The following TMED6 variants were observed in gnomAD, a reference collection of about 807,000 sequenced individuals.
TMED6 encodes transmembrane emp24 domain-containing protein 6.
A neutral mutation model predicts 26.5 loss-of-function variants in TMED6; 17 were observed. The ratio of observed to expected loss-of-function variants is 0.64; its 90% confidence interval spans 0.44 to 0.96. The LOEUF (loss-of-function observed/expected upper bound fraction) is 0.96. TMED6 is among the 40% of genes least tolerant of loss of function. The pLI, the probability that TMED6 is intolerant of heterozygous loss-of-function variation, is 0.00. For synonymous variants in TMED6, 107 were observed against 106.2 expected, an observed-to-expected ratio of 1.01 and a Z score of -0.04; for missense variants, 309 against 296.5, an observed-to-expected ratio of 1.04 and a Z score of -0.31.
chr16:69,343,816 T>C (rs1174077886), intron 3 of TMED6, among the ~76,000 whole-genome samples, 176 bp from the exon 4 acceptor site: 3 of 152,158 alleles, frequency 2.0e-5, no homozygotes, highest in Non-Finnish European at 2.9e-5. Flanking sequence ...ATGGTCTGGA[T>C]TTGAGTTTAA....
Position 69,343,596 on chromosome 16 carries a change from T to C in TMED6, c.534A>G (p.Arg178=), listed in dbSNP as rs11649369. The change falls in exon 4 of 4, where the codon CGA becomes CGG. Residue 178 remains arginine, a synonymous_variant. Transcript: ENST00000288025. ...TCCTCATCCGGGCAAAGTTGTAGTA[T>C]CGCCACATGTGAAAGATATTGTTCT... ...KVQNNIFHMW[R]YYNFARMRKM... 0.078 allele frequency: 125,680 copies of C among 1,614,052 alleles called. 5,440 individuals carry two copies. The highest frequency in any genetic ancestry group is 0.089 in the Non-Finnish European group (105,067 of 1,179,930).
At chr16:69,343,754 G>A (rs2012630059) in intron 3 of TMED6, 114 bp from the exon 4 acceptor site, 1 of 784,462 alleles carries the variant, frequency 1.3e-6, no homozygotes, top group East Asian at 2.5e-5. Context: ...ATGATTTTAA[G>A]ATGTACAATA....
rs781457945 is a variant in TMED6, at chr16:69,343,687, A to C, written c.490-47T>G. 2.6e-6 allele frequency: 4 copies of C among 1,554,764 alleles called. No individual in the cohort carries two copies. The South Asian group carries it at 4.5e-5, about 17-fold the overall frequency. ...GGGGGATTCTTCCAAACCCCCATCT[A>C]GCCTCACCTGAGCGCTCACTAGCAC... On this transcript the variant is annotated intron_variant, in intron 3 of 3. Transcript: ENST00000288025.
intron 2 of TMED6, among the ~76,000 whole-genome samples, chr16:69,349,235 T>C: frequency 6.6e-6 from 1 of 152,148 alleles, no homozygotes; most frequent in East Asian, 1.9e-4. Context: ...TATAAATGGG[T>C]CTCTGTTTTT....
intron 1 of TMED6, among the ~76,000 whole-genome samples, chr16:69,350,936 T>A (rs2012765715): frequency 6.6e-6 from 1 of 152,186 alleles, no homozygotes; most frequent in African/African-American, 2.4e-5. Context: ...AGCCTCTAAC[T>A]TTCATACTGA....
At chr16:69,345,354 T>G (rs1406670499) in intron 3 of TMED6, among the ~76,000 whole-genome samples, 1 of 151,850 alleles carries the variant, frequency 6.6e-6, no homozygotes, top group Non-Finnish European at 1.5e-5. Context: ...TAGGAGGGAT[T>G]TGTATCCAGA....
chr16:69,347,748 G>C, intron 3 of TMED6, 40 bp downstream of exon 3: 1 of 1,608,800 alleles, frequency 6.2e-7, no homozygotes, highest in East Asian at 2.2e-5. Context: ...TTAAAAATCA[G>C]TTTCCACAGA....
intron 1 of TMED6, among the ~76,000 whole-genome samples, chr16:69,350,528 G>C (rs1356964854): frequency 6.6e-6 from 1 of 152,046 alleles, no homozygotes; most frequent in Non-Finnish European, 1.5e-5. Context: ...TCGAACTCCT[G>C]ACCTCAGGTG....
Position 69,347,943 on chromosome 16 carries a change from G to A in TMED6, c.341-7C>T, listed in dbSNP as rs1395833135. 6.2e-7 allele frequency: 1 copy of A among 1,613,772 alleles called. No homozygotes were observed. The highest frequency in any genetic ancestry group is 1.7e-5 in the Admixed American group (1 of 59,986). ...AGACAAAGCTGATAAAAACCTGTAGGAATTCTTAGATCATTACCAAGTCTT... is the reference window on the plus strand; with the variant it reads ...AGACAAAGCTGATAAAAACCTGTAGAAATTCTTAGATCATTACCAAGTCTT... On this transcript the variant is annotated splice_region_variant and splice_polypyrimidine_tract_variant and intron_variant, in intron 2 of 3. Coordinates refer to ENST00000288025, the MANE Select transcript of TMED6 (RefSeq NM_144676.4).
Position 69,343,401 on chromosome 16 carries a change from C to T in TMED6, c.*6G>A, listed in dbSNP as rs2012615040. The T allele has an allele frequency of 2.5e-6, 4 of 1,612,892 alleles. No individual in the cohort carries two copies. The highest frequency in any genetic ancestry group is 3.4e-6 in the Non-Finnish European group (4 of 1,179,100). ...AAAACAGCCAGGGTGCTATAGTCAC[C>T]TTAGCTTAGCATCTTGGCTTCTTTG... On this transcript the variant is annotated 3_prime_UTR_variant, in exon 4 of 4. Coordinates refer to ENST00000288025, the MANE Select transcript of TMED6 (RefSeq NM_144676.4).
intron 3 of TMED6, among the ~76,000 whole-genome samples, chr16:69,345,442 G>C (rs1297362206): frequency 2.0e-5 from 3 of 152,068 alleles, no homozygotes; most frequent in Non-Finnish European, 2.9e-5. Flanking sequence ...CCAGCACTTT[G>C]AGAGGCTGAG....
At chr16:69,349,853 T>C (rs575080846) in intron 1 of TMED6, among the ~76,000 whole-genome samples, 5 of 152,244 alleles carry the variant, frequency 3.3e-5, no homozygotes, top group Non-Finnish European at 5.9e-5. Flanking sequence ...CAGCACAGCA[T>C]TGCTGAACGT....
intron 2 of TMED6, chr16:69,348,216 G>A (rs2142682442): frequency 3.8e-6 from 1 of 260,650 alleles, no homozygotes; most frequent in South Asian, 8.2e-5. Context: ...CCCACATCTT[G>A]TATTAAGGAA....
At chr16:69,348,286 C>T (rs1269981321) in intron 2 of TMED6, 13 of 178,900 alleles carry the variant, frequency 7.3e-5, no homozygotes, top group Admixed American at 1.7e-4. Flanking sequence ...TCCTTGTATA[C>T]AATTAAAGCT....
rs755801867 is a variant in TMED6 at position 69,343,530 on chromosome 16, G to A, written c.600C>T (p.Tyr200=). ...DFFLIQSNYN[Y]VNWWSTAQSL... ...TCTGGGCTGTCGACCACCAGTTCAC[G>A]TAGTTATAGTTTGATTGGATAAGGA... The change falls in exon 4 of 4, where the codon TAC becomes TAT. Residue 200 remains tyrosine (Y), a synonymous_variant. Transcript: ENST00000288025. 21 of 1,614,052 alleles carry A rather than the reference G, an allele frequency of 1.3e-5. No individual in the cohort carries two copies. In the African/African-American group the frequency reaches 2.0e-4, roughly 15 times the overall value.
At chr16:69,346,456 C>CG (rs1374223064) in intron 3 of TMED6, among the ~76,000 whole-genome samples, 3 of 152,124 alleles carry the variant, frequency 2.0e-5, no homozygotes, top group African/African-American at 7.2e-5. Flanking sequence ...ACGTTGAGAA[C>CG]ATGCTAAATT....
chr16:69,347,021 G>A (rs1261704121), intron 3 of TMED6, among the ~76,000 whole-genome samples: 1 of 152,126 alleles, frequency 6.6e-6, no homozygotes, highest in African/African-American at 2.4e-5. Flanking sequence ...GCCTGGACAA[G>A]AGTGAGACCC....
At chr16:69,351,142 C>G (rs28652676) in intron 1 of TMED6, among the ~76,000 whole-genome samples, 3,742 of 152,246 alleles carry the variant, frequency 0.025, 160 homozygotes, top group African/African-American at 0.085. Context: ...TTTACTCCCC[C>G]ACCCCATAAG....
rs776359342 is a variant in TMED6, at chr16:69,347,792, A to G, written c.485T>C (p.Ile162Thr). ...RKQLNDTLDA[I>T]EDGTQKVQNN... The stretch of plus-strand genomic sequence containing the variant: ...TTCCACAAAACACTTCCTTACCTCA[A>G]TTGCATCCAGAGTATCATTCAGTTG... The change falls in exon 3 of 4, where the codon ATT becomes ACT. Residue 162 changes from isoleucine (I) to threonine (T), a missense_variant. Physicochemically the swap from Ile to Thr is moderately conservative, Grantham distance 89 (BLOSUM62 -1). Coordinates refer to ENST00000288025, the MANE Select transcript of TMED6 (RefSeq NM_144676.4). 34 of 1,613,852 alleles carry G rather than the reference A, an allele frequency of 2.1e-5. No individual in the cohort carries two copies. The highest frequency in any genetic ancestry group is 8.9e-5 in the East Asian group (4 of 44,886).
Sources: gnomAD v4.1 joint callset for allele counts (sites outside exome capture counted in the v4.1 genomes callset) on GRCh38, gnomAD v4.1.1 for gene constraint, MANE v1.5 for transcripts, NCBI Gene and HGNC (gene_info 2026-07-23, HGNC 2026-07-21) for gene names.